The following FETUB variants were observed in gnomAD, a reference collection of about 807,000 sequenced individuals.
The protein encoded by FETUB is fetuin B.
FETUB carries 28 observed loss-of-function variants against 30.9 expected under a neutral mutation model. That is an observed-to-expected ratio of 0.90 (90% CI 0.67 to 1.24). The LOEUF is 1.24. FETUB is among the 50% of genes most tolerant of loss of function. The pLI, the probability that FETUB is intolerant of heterozygous loss-of-function variation, is 0.00. For synonymous variants in FETUB, 186 were observed against 175.9 expected, an observed-to-expected ratio of 1.06 and a Z score of -0.45; for missense variants, 469 against 455.3, an observed-to-expected ratio of 1.03 and a Z score of -0.27.
chr3:186,652,606 C>A lies in FETUB; in HGVS notation c.1124C>A (p.Ala375Asp), dbSNP rs754587475. ...GAGTGCCCAGGGCCAGCCCAGAATG[C>A]CAGCCCTCTTGTCCTTCCGCCATGA... ...TAECPGPAQNASPLVLPP is the reference protein window; with the variant it reads ...TAECPGPAQNDSPLVLPP Residue 375 changes from alanine to aspartate, a missense_variant, in exon 7 of 7, where the codon GCC becomes GAC. By Grantham distance (126) the Ala-to-Asp change is moderately radical (BLOSUM62 -2). Transcript: ENST00000265029. 1.1e-4 allele frequency: 185 copies of A among 1,609,760 alleles called. No individual in the cohort carries two copies. Among genetic ancestry groups the A allele is most frequent in the Non-Finnish European group, 1.5e-4 (178 of 1,178,646 alleles).
chr3:186,651,132 C>A, intron 5 of FETUB, 86 bp from the exon 6 acceptor site: 1 of 844,800 alleles, frequency 1.2e-6, no homozygotes. Context: ...TGTTGATTGG[C>A]TGTGTATCTA....
intron 3 of FETUB, among the ~76,000 whole-genome samples, chr3:186,642,796 A>C (rs1717179424): frequency 6.6e-6 from 1 of 152,130 alleles, no homozygotes; most frequent in Non-Finnish European, 1.5e-5. Flanking sequence ...CAGATCTTAC[A>C]TTTTCAGTCT....
chr3:186,651,196 G>T (rs767619486), intron 5 of FETUB, 22 bp from the exon 6 acceptor site: 1 of 1,537,140 alleles, frequency 6.5e-7, no homozygotes, highest in South Asian at 1.1e-5. Context: ...ATACTCACAT[G>T]ACATTGTATT....
At chr3:186,642,627 C>A in intron 3 of FETUB, 69 bp downstream of exon 3, 1 of 906,218 alleles carries the variant, frequency 1.1e-6, no homozygotes, top group Non-Finnish European at 1.8e-6. Flanking sequence ...AGGTCTTTGC[C>A]AAGAATGTAT....
At chr3:186,650,677 A>T (rs1172901657) in intron 5 of FETUB, among the ~76,000 whole-genome samples, 1 of 152,094 alleles carries the variant, frequency 6.6e-6, no homozygotes, top group Non-Finnish European at 1.5e-5. Context: ...AAGGAAATCA[A>T]ATCACTGCAG....
At chr3:186,637,030 A>T (rs1464615552), upstream of FETUB, among the ~76,000 whole-genome samples, 1 of 152,182 alleles carries the variant, frequency 6.6e-6, no homozygotes, top group Non-Finnish European at 1.5e-5. Flanking sequence ...CCCTGGCTGT[A>T]AGACCTCAGG....
chr3:186,638,913 T>C (rs1246588163), upstream of FETUB, among the ~76,000 whole-genome samples: 1 of 152,174 alleles, frequency 6.6e-6, no homozygotes, highest in Non-Finnish European at 1.5e-5. Flanking sequence ...GCTAGTATCG[T>C]TCCTATTTGA....
In FETUB at chr3:186,646,279, A is replaced by T. The variant is rs759546734; in HGVS notation, c.626A>T (p.Tyr209Phe). Residue 209 changes from tyrosine to phenylalanine, a missense_variant, in exon 5 of 7, where the codon TAC (tyrosine) becomes TTC (phenylalanine). Physicochemically the swap from Tyr to Phe is conservative, Grantham distance 22. Transcript: ENST00000265029. ...WVVGPSYFVE[Y>F]LIKESPCTKS... ...GTCGGCCCTTCTTACTTTGTGGAAT[A>T]CTTAATTAAAGAATCACCATGTACT... The T allele has an allele frequency of 6.2e-7, 1 of 1,613,774 alleles. No individual in the cohort carries two copies. Among genetic ancestry groups the T allele is most frequent in the Non-Finnish European group, 8.5e-7 (1 of 1,179,858 alleles).
chr3:186,643,978 A>C (rs1579039425), intron 3 of FETUB, among the ~76,000 whole-genome samples: 1 of 152,202 alleles, frequency 6.6e-6, no homozygotes, highest in African/African-American at 2.4e-5. Flanking sequence ...TTCTTAAAAA[A>C]ATATTTAGTC....
chr3:186,646,427 T>C (rs981022784), intron 5 of FETUB, 78 bp downstream of exon 5: 4 of 1,080,508 alleles, frequency 3.7e-6, no homozygotes, highest in Non-Finnish European at 5.7e-6. Context: ...AAATTACATA[T>C]GAGGTGTCAT....
intron 3 of FETUB, among the ~76,000 whole-genome samples, chr3:186,644,466 G>C (rs1373032809): frequency 1.3e-5 from 2 of 152,168 alleles, no homozygotes; most frequent in Non-Finnish European, 2.9e-5. Flanking sequence ...AAAAGATAGT[G>C]AACTAGTTGG....
chr3:186,650,712 TA>T, intron 5 of FETUB, among the ~76,000 whole-genome samples: 2 of 152,184 alleles, frequency 1.3e-5, no homozygotes, highest in Non-Finnish European at 2.9e-5. Context: ...TCATGCAATT[TA>T]CAGGTCTTTA....
chr3:186,641,703 T>C (rs1461665146), intron 2 of FETUB: 1 of 152,350 alleles, frequency 6.6e-6, no homozygotes, highest in African/African-American at 2.4e-5. Flanking sequence ...AAATAGATAA[T>C]CCATTTCATT....
At chr3:186,641,918 GCTA>G (rs1717088605) in intron 2 of FETUB, 1 of 152,366 alleles carries the variant, frequency 6.6e-6, no homozygotes, top group African/African-American at 2.4e-5. Flanking sequence ...GGTGACACTA[GCTA>G]CTAAAACACA....
At chr3:186,640,374 G>T (rs1005385303), upstream of FETUB, 7 of 1,017,370 alleles carry the variant, frequency 6.9e-6, no homozygotes, top group Admixed American at 1.1e-4. Context: ...TAACAAAACC[G>T]CTCAAGTCTG....
intron 6 of FETUB, chr3:186,651,699 T>A: frequency 4.9e-6 from 1 of 205,016 alleles, no homozygotes; most frequent in Non-Finnish European, 9.9e-6. Context: ...TGAGAGGCAG[T>A]TTATATTTGA....
At chr3:186,637,882 T>C (rs1359578726), upstream of FETUB, among the ~76,000 whole-genome samples, 2 of 152,210 alleles carry the variant, frequency 1.3e-5, no homozygotes, top group East Asian at 3.8e-4. Context: ...ACCTTCCTTT[T>C]ACATGGGAGG....
At chr3:186,651,158 A>G (rs984552939) in intron 5 of FETUB, 60 bp from the exon 6 acceptor site, 29 of 1,092,476 alleles carry the variant, frequency 2.7e-5, no homozygotes, top group Non-Finnish European at 3.2e-5. Context: ...GTAGAAAGCT[A>G]GTTGATTTCC....
In FETUB at chr3:186,646,253, G is replaced by C; in HGVS notation, c.600G>C (p.Val200=). Residue 200 remains valine, a synonymous_variant, in exon 5 of 7, where the codon GTG becomes GTC. Transcript: ENST00000265029. Reference sequence around the variant, plus strand: ...CAACTCTTGTCTCATAACAGTGGGTGGTCGGCCCTTCTTACTTTGTGGAAT... The same window carrying C: ...CAACTCTTGTCTCATAACAGTGGGTCGTCGGCCCTTCTTACTTTGTGGAAT... ...FKVTRASSQW[V]VGPSYFVEYL... 6.2e-7 allele frequency: 1 copy of C among 1,610,988 alleles called. No individual in the cohort carries two copies. The highest frequency in any genetic ancestry group is 8.5e-7 in the Non-Finnish European group (1 of 1,177,360).
Sources: allele counts gnomAD v4.1 joint callset (sites outside exome capture counted in the v4.1 genomes callset), GRCh38; gene constraint gnomAD v4.1.1; transcripts MANE v1.5; gene names NCBI Gene and HGNC (gene_info 2026-07-23, HGNC 2026-07-21).